Variants in KLF12 observed in about 807,000 individuals in gnomAD.
KLF12 encodes the protein KLF transcription factor 12.
A neutral mutation model predicts 37.8 loss-of-function variants in KLF12; 9 were observed. The ratio of observed to expected loss-of-function variants is 0.24; its 90% CI spans 0.14 to 0.42. The LOEUF (loss-of-function observed/expected upper bound fraction) is 0.42, where lower values mean the gene tolerates loss of function less well. Ranked by LOEUF, KLF12 falls within the 10% of genes least tolerant of loss-of-function variation. The probability of loss-of-function intolerance (pLI) is 1.00; values close to 1 mark genes in which losing one functional copy is unlikely to be tolerated. For missense variants in KLF12, 411 were observed against 516.0 expected, an observed-to-expected ratio of 0.80 and a Z score of 1.97; for synonymous variants, 208 against 202.1, an observed-to-expected ratio of 1.03 and a Z score of -0.25.
chr13:74,215,869 A>G, the KLF12 span, among the ~76,000 whole-genome samples: 1 of 152,202 alleles, frequency 6.6e-6, no homozygotes, highest in East Asian at 1.9e-4. Context: ...CTCTATTTTC[A>G]CTTCAGCATC....
At chr13:74,089,433 TAAC>T (rs1170971514) in intron 1 of KLF12, among the ~76,000 whole-genome samples, 1 of 152,108 alleles carries the variant, frequency 6.6e-6, no homozygotes, top group African/African-American at 2.4e-5. Flanking sequence ...CATGAAAAAA[TAAC>T]AAGTTGAAAA....
chr13:74,108,394 TAAATGG>T (rs1182353094), intron 1 of KLF12, among the ~76,000 whole-genome samples: 1 of 152,192 alleles, frequency 6.6e-6, no homozygotes, highest in Non-Finnish European at 1.5e-5. Context: ...TTCAAGAATC[TAAATGG>T]AACTCTTTAA....
intron 1 of KLF12, among the ~76,000 whole-genome samples, chr13:74,132,406 T>C (rs993724974): frequency 5.9e-5 from 9 of 152,160 alleles, no homozygotes; most frequent in African/African-American, 1.7e-4. Flanking sequence ...TAAATGTAAA[T>C]AGAGTTGCTC....
chr13:74,028,192 C>G (rs1320740149), intron 1 of KLF12, among the ~76,000 whole-genome samples: 1 of 152,008 alleles, frequency 6.6e-6, no homozygotes, highest in Non-Finnish European at 1.5e-5. Flanking sequence ...TAGATTAATC[C>G]TACAACAACA....
Position 73,776,105 on chromosome 13 carries a change from T to C in KLF12, c.807-11105A>G, listed in dbSNP as rs573616172. On this transcript the variant is annotated intron_variant, in intron 5 of 7. Transcript: ENST00000377669. ...GAAAACTTTCAATCTATAAATTAAATGTGACTATTATTATTATTTAAAATA... is the reference window on the plus strand; with the variant it reads ...GAAAACTTTCAATCTATAAATTAAACGTGACTATTATTATTATTTAAAATA... 2.0e-5 allele frequency among the ~76,000 whole-genome samples: 3 copies of C among 152,326 alleles called. No homozygotes were observed. In the East Asian group the frequency reaches 5.8e-4, roughly 29 times the overall value.
At chr13:74,285,024 T>C in the KLF12 span, among the ~76,000 whole-genome samples, 18 of 152,204 alleles carry the variant, frequency 1.2e-4, no homozygotes, top group Non-Finnish European at 1.9e-4. Flanking sequence ...GAAAGTTTCT[T>C]TTAACTCATC....
chr13:73,735,764 T>C (rs1877404386), intron 6 of KLF12, among the ~76,000 whole-genome samples: 1 of 152,288 alleles, frequency 6.6e-6, no homozygotes, highest in East Asian at 1.9e-4. Flanking sequence ...GTATTATGTA[T>C]TTAATCTGCA....
intron 5 of KLF12, among the ~76,000 whole-genome samples, chr13:73,778,657 G>A (rs934404515): frequency 6.6e-6 from 1 of 152,056 alleles, no homozygotes; most frequent in Non-Finnish European, 1.5e-5. Context: ...GAGCCACTGC[G>A]CCTGGCCTGT....
the KLF12 span, among the ~76,000 whole-genome samples, chr13:74,196,740 TA>T: frequency 1.8e-4 from 27 of 152,268 alleles, no homozygotes; most frequent in African/African-American, 6.5e-4. Flanking sequence ...GTAATCCTTT[TA>T]AAAAATTCTC....
At chr13:74,100,122 A>G (rs1876241317) in intron 1 of KLF12, among the ~76,000 whole-genome samples, 1 of 152,124 alleles carries the variant, frequency 6.6e-6, no homozygotes. Context: ...GTGGGGGTGA[A>G]GGAAGAGGAG....
the KLF12 span, among the ~76,000 whole-genome samples, chr13:74,237,381 C>T: frequency 1.4e-5 from 2 of 144,264 alleles, no homozygotes; most frequent in Non-Finnish European, 3.0e-5. Flanking sequence ...AGTGTGATGC[C>T]TCCAGCTTTG....
chr13:73,823,712 G>GTCT lies in KLF12; in HGVS notation c.671-10426_671-10425insAGA, dbSNP rs1883667568. On this transcript the variant is annotated intron_variant, in intron 4 of 7. Coordinates refer to ENST00000377669, the MANE Select transcript of KLF12 (RefSeq NM_007249.5). Reference sequence around the variant, plus strand: ...TTATCTCTCTTCATTTGTAGTTCTGGCCTCTTCTTTTTTTTGAGAGAGAGT... The same window carrying GTCT: ...TTATCTCTCTTCATTTGTAGTTCTGGTCTCCTCTTCTTTTTTTTGAGAGAGAGT... 9.9e-5 allele frequency among the ~76,000 whole-genome samples: 15 copies of GTCT among 151,648 alleles called. No homozygotes were observed. In the South Asian group the frequency reaches 3.1e-3, roughly 32 times the overall value.
chr13:73,944,258 G>A (rs1245156636), intron 2 of KLF12, among the ~76,000 whole-genome samples, 188 bp from the exon 3 acceptor site: 1 of 152,094 alleles, frequency 6.6e-6, no homozygotes, highest in African/African-American at 2.4e-5. Context: ...TTGAAATAAT[G>A]ACCAAGCAGT....
At chr13:73,900,793 T>C (rs1290069580) in intron 3 of KLF12, among the ~76,000 whole-genome samples, 2 of 152,314 alleles carry the variant, frequency 1.3e-5, no homozygotes, top group South Asian at 2.1e-4. Flanking sequence ...ACTAGATGTA[T>C]TCCTCATGAC....
At chr13:74,230,635 A>G in the KLF12 span, among the ~76,000 whole-genome samples, 3 of 152,194 alleles carry the variant, frequency 2.0e-5, no homozygotes, top group East Asian at 5.8e-4. Context: ...GTGAGCAACT[A>G]TGGAGGCAGA....
intron 1 of KLF12, among the ~76,000 whole-genome samples, chr13:74,043,944 T>C (rs1161939467): frequency 1.3e-5 from 2 of 152,240 alleles, no homozygotes; most frequent in Admixed American, 1.3e-4. Context: ...CAATATACAA[T>C]ATTCTTTAAT....
At chr13:74,108,167 C>G in intron 1 of KLF12, among the ~76,000 whole-genome samples, 1 of 151,948 alleles carries the variant, frequency 6.6e-6, no homozygotes, top group Non-Finnish European at 1.5e-5. Flanking sequence ...ACATATGTCC[C>G]TCATCTCTTT....
chr13:74,027,240 A>C (rs1344078219), intron 1 of KLF12, among the ~76,000 whole-genome samples: 1 of 152,156 alleles, frequency 6.6e-6, no homozygotes, highest in Non-Finnish European at 1.5e-5. Context: ...ATGAGAACTC[A>C]AAGTGTAAAG....
intron 2 of KLF12, among the ~76,000 whole-genome samples, chr13:73,974,194 T>C (rs535151716): frequency 6.6e-6 from 1 of 151,600 alleles, no homozygotes; most frequent in South Asian, 2.1e-4. Flanking sequence ...CAAGTAAAAA[T>C]AGTATAAACT....
Sources: allele counts gnomAD v4.1 joint callset (sites outside exome capture counted in the v4.1 genomes callset), GRCh38; gene constraint gnomAD v4.1.1; transcripts MANE v1.5; gene names NCBI Gene and HGNC (gene_info 2026-07-23, HGNC 2026-07-21).